The following SPRY3 variants were observed in gnomAD, a reference collection of about 807,000 sequenced individuals.
SPRY3 encodes protein sprouty homolog 3.
In SPRY3, 15 loss-of-function variants were observed where a neutral mutation model predicts 20.2. That is an observed-to-expected ratio of 0.74 (90% CI 0.50 to 1.14). The LOEUF is 1.14. Ranked by LOEUF, SPRY3 falls within the 50% of genes most tolerant of loss-of-function variation. SPRY3 has a pLI of 0.00. For missense variants in SPRY3, 364 were observed against 363.9 expected (o/e 1.00, Z 0.00); for synonymous variants, 143 against 136.5 (o/e 1.05, Z -0.33).
intron 1 of SPRY3, among the ~76,000 whole-genome samples, chrX:155,653,977 G>A (rs2067984603): frequency 8.9e-6 from 1 of 111,752 alleles, no homozygotes; most frequent in African/African-American, 3.3e-5. Context: ...TGGAAACAAT[G>A]TCAGATCCCA....
intron 2 of SPRY3, among the ~76,000 whole-genome samples, chrX:155,688,044 A>ACCCCCCCCCCCCCCC (rs2068092664): frequency 3.1e-5 from 1 of 32,059 alleles, no homozygotes; most frequent in Non-Finnish European, 5.9e-5. Context: ...CCCTCCCCCC[A>ACCCCCCCCCCCCCCC]CCCCTCCCCC....
intron 2 of SPRY3, among the ~76,000 whole-genome samples, chrX:155,754,680 G>T (rs1458120317): frequency 2.0e-5 from 3 of 151,968 alleles, no homozygotes; most frequent in Non-Finnish European, 4.4e-5. Flanking sequence ...TCACTTTGGA[G>T]AGTATTTCTA....
At chrX:155,648,860 A>C (rs1406598291) in intron 1 of SPRY3, among the ~76,000 whole-genome samples, 2 of 111,690 alleles carry the variant, frequency 1.8e-5, no homozygotes, top group Non-Finnish European at 3.8e-5. Context: ...GATTAACAAA[A>C]TAGACCACTA....
chrX:155,704,448 A>G (rs1169152958), intron 2 of SPRY3, among the ~76,000 whole-genome samples: 1 of 151,826 alleles, frequency 6.6e-6, no homozygotes, highest in African/African-American at 2.4e-5. Context: ...ATTAAATTGA[A>G]ACAAAAATTT....
At chrX:155,756,920 A>G (rs2091285561) in intron 2 of SPRY3, among the ~76,000 whole-genome samples, 1 of 152,172 alleles carries the variant, frequency 6.6e-6, no homozygotes, top group Admixed American at 6.5e-5. Flanking sequence ...TCTAACTTCT[A>G]ACTTTAATTC....
intron 2 of SPRY3, among the ~76,000 whole-genome samples, chrX:155,688,771 T>G (rs1347464975): frequency 2.0e-5 from 2 of 101,804 alleles, no homozygotes; most frequent in African/African-American, 3.9e-5. Context: ...CATGGTGGTT[T>G]GCTACATTTA....
Position 155,669,776 on chromosome X carries a change from CTG to C in SPRY3, c.-282+12753_-282+12754del, listed in dbSNP as rs2068034764. On this transcript the variant is annotated intron_variant, in intron 2 of 3. Coordinates refer to ENST00000675360, the Ensembl canonical transcript of SPRY3. ...CTAGTACCTTAGAATTGGAAGGAAA[CTG>C]TCTATTTTCATTCTTTAAGGAAGTA... 4 of 110,957 alleles carry C rather than the reference CTG, an allele frequency of 3.6e-5. No individual in the cohort carries two copies. In the Admixed American group the frequency reaches 3.9e-4, roughly 11 times the overall value. The allele number at this position is 110,957 out of a possible 1,213,427, so 9.1% of individuals were successfully genotyped here. A position where few individuals can be genotyped will look rare whatever the true frequency, so the allele number is the denominator to read the frequency against.
intron 2 of SPRY3, among the ~76,000 whole-genome samples, chrX:155,737,273 A>C (rs2091176058): frequency 6.6e-6 from 1 of 152,068 alleles, no homozygotes; most frequent in Admixed American, 6.6e-5. Flanking sequence ...ATTGATGGGC[A>C]TCTAGATTGA....
intron 1 of SPRY3, among the ~76,000 whole-genome samples, chrX:155,654,840 A>G (rs1557352838): frequency 9.0e-6 from 1 of 110,716 alleles, no homozygotes; most frequent in Non-Finnish European, 1.9e-5. Flanking sequence ...AAGTGCAAGT[A>G]TCCTTTTAAT....
intron 2 of SPRY3, among the ~76,000 whole-genome samples, chrX:155,726,205 C>A (rs1205741662): frequency 1.3e-5 from 2 of 152,088 alleles, no homozygotes; most frequent in Non-Finnish European, 2.9e-5. Flanking sequence ...GATTTCTGTT[C>A]TTTTTCATTT....
At chrX:155,749,391 G>A (rs745452094) in intron 2 of SPRY3, among the ~76,000 whole-genome samples, 2 of 151,916 alleles carry the variant, frequency 1.3e-5, no homozygotes, top group African/African-American at 4.8e-5. Flanking sequence ...ACAGGGGTGT[G>A]TGTAAGTGTG....
chrX:155,777,861 T>C (rs1431851408), downstream of SPRY3: 1 of 166,440 alleles, frequency 6.0e-6, no homozygotes, highest in Non-Finnish European at 1.5e-5. Flanking sequence ...CACATATTGG[T>C]TCCTTGATAC....
chrX:155,754,513 G>T (rs1569396211), intron 2 of SPRY3, among the ~76,000 whole-genome samples: 1 of 151,924 alleles, frequency 6.6e-6, no homozygotes, highest in African/African-American at 2.4e-5. Context: ...AAGCTTTGAA[G>T]TCAGAAAGAT....
At chrX:155,761,124 C>A (rs2091302420) in intron 2 of SPRY3, among the ~76,000 whole-genome samples, 1 of 152,076 alleles carries the variant, frequency 6.6e-6, no homozygotes, top group Admixed American at 6.5e-5. Flanking sequence ...ACATTTTACC[C>A]CACCACCAAA....
chrX:155,766,664 A>G (rs992213621), intron 2 of SPRY3, among the ~76,000 whole-genome samples: 8 of 152,162 alleles, frequency 5.3e-5, no homozygotes, highest in African/African-American at 1.7e-4. Flanking sequence ...ATCCTTTCCT[A>G]TTGAATTAAA....
At chrX:155,714,563 G>A (rs1246254752) in intron 2 of SPRY3, among the ~76,000 whole-genome samples, 1 of 152,062 alleles carries the variant, frequency 6.6e-6, no homozygotes, top group Admixed American at 6.6e-5. Flanking sequence ...TGGGAGTGTG[G>A]TGATGCAAGC....
chrX:155,725,107 GTGA>G (rs1389007607), intron 2 of SPRY3, among the ~76,000 whole-genome samples: 1 of 152,046 alleles, frequency 6.6e-6, no homozygotes, highest in African/African-American at 2.4e-5. Flanking sequence ...TTCCATTTAC[GTGA>G]TGGATTACAT....
At chrX:155,614,890 AC>A (rs1398773148) in intron 1 of SPRY3, among the ~76,000 whole-genome samples, 1 of 111,609 alleles carries the variant, frequency 9.0e-6, no homozygotes, top group Non-Finnish European at 1.9e-5. Flanking sequence ...ATAGAAAAAA[AC>A]AATAGTATCT....
chrX:155,750,003 G>C (rs1284906827), intron 2 of SPRY3, among the ~76,000 whole-genome samples: 3 of 151,688 alleles, frequency 2.0e-5, no homozygotes, highest in African/African-American at 4.8e-5. Flanking sequence ...CAATAGAAGA[G>C]GACCAAGGAT....
Sources: gnomAD v4.1 joint callset for allele counts (sites outside exome capture counted in the v4.1 genomes callset) on GRCh38, gnomAD v4.1.1 for gene constraint, MANE v1.5 for transcripts, NCBI Gene and HGNC (gene_info 2026-07-23, HGNC 2026-07-21) for gene names.